Variants in SPTAN1 observed in about 807,000 individuals in gnomAD.
SPTAN1 encodes the protein spectrin alpha, non-erythrocytic 1, also known as spectrin alpha chain, non-erythrocytic 1.
A neutral mutation model predicts 331.3 loss-of-function variants in SPTAN1; 61 were observed. That is an observed-to-expected ratio of 0.18 (90% confidence interval 0.15 to 0.23). The LOEUF (loss-of-function observed/expected upper bound fraction) is 0.23, where lower values mean the gene tolerates loss of function less well. Among genes scored for constraint, SPTAN1 ranks in the 10% least tolerant of loss-of-function variants. SPTAN1 has a pLI of 1.00. For synonymous variants in SPTAN1, 1,153 were observed against 1,173.9 expected (o/e 0.98, Z 0.36); for missense variants, 2,043 against 3,147.9 (o/e 0.65, Z 8.40).
intron 1 of SPTAN1, among the ~76,000 whole-genome samples, chr9:128,564,035 G>C (rs1849717200): frequency 1.3e-5 from 2 of 152,036 alleles, no homozygotes; most frequent in South Asian, 4.1e-4. Flanking sequence ...CACTTTGGAA[G>C]ACCGGAGGTG....
At chr9:128,590,756 C>T (rs12339787) in intron 21 of SPTAN1, among the ~76,000 whole-genome samples, 110,418 of 151,748 alleles carry the variant, frequency 0.73, 43,828 homozygotes, top group Non-Finnish European at 0.9. Flanking sequence ...GAGGCTGAGG[C>T]AGGGGAATCA....
In SPTAN1 at chr9:128,578,001, A is replaced by G. The variant is rs1193828384; in HGVS notation, c.1086-109A>G. 4 of 1,280,012 alleles carry G rather than the reference A, an allele frequency of 3.1e-6. No homozygotes were observed. In the East Asian group the frequency reaches 9.3e-5, roughly 30 times the overall value. 79.3% of individuals were successfully genotyped at this position (1,280,012 alleles called of 1,614,324 possible). A position where few individuals can be genotyped will look rare whatever the true frequency, so the allele number is the denominator to read the frequency against. On this transcript the variant is annotated intron_variant, in intron 8 of 56. Coordinates refer to ENST00000372739, the MANE Select transcript of SPTAN1 (RefSeq NM_001130438.3). Reference sequence around the variant, plus strand: ...TTCATATTTCCCAGAATTAGAATTTATATAGTTTGTTAGACATTTGAGAAC... The same window carrying G: ...TTCATATTTCCCAGAATTAGAATTTGTATAGTTTGTTAGACATTTGAGAAC...
intron 21 of SPTAN1, among the ~76,000 whole-genome samples, chr9:128,590,229 T>G (rs1035144869): frequency 2.6e-5 from 4 of 152,242 alleles, no homozygotes; most frequent in African/African-American, 9.6e-5. Context: ...GAGTCTAATT[T>G]AAACCTAAAC....
intron 1 of SPTAN1, among the ~76,000 whole-genome samples, chr9:128,559,327 G>A (rs541580366): frequency 7.3e-4 from 111 of 152,292 alleles, no homozygotes; most frequent in Admixed American, 9.8e-4. Context: ...AGCAAGCTGG[G>A]CCCAAGCAGG....
chr9:128,566,662 C>G, intron 1 of SPTAN1, 76 bp from the exon 2 acceptor site: 2 of 1,597,698 alleles, frequency 1.3e-6, no homozygotes, highest in Non-Finnish European at 1.7e-6. Flanking sequence ...TTATTTCTTT[C>G]CTTCAGAGAG....
At position 128,588,309 on chromosome 9, in the gene SPTAN1, G is replaced by GGTT. The variant is rs1225242257; in HGVS notation, c.2872-500_2872-499insGTT. Among the ~76,000 whole-genome samples, 5 of 27,156 alleles carry GGTT rather than the reference G, an allele frequency of 1.8e-4. No individual in the cohort carries two copies. The South Asian group carries it at 6.3e-3, about 34-fold the overall frequency. 17.8% of individuals were successfully genotyped at this position (27,156 alleles called of 152,430 possible). ...TGTGCCCGGCCCTACTTTAAAATGAGATTTTTTTTTTTTTTTTTTGAGATG... is the reference window on the plus strand; with the variant it reads ...TGTGCCCGGCCCTACTTTAAAATGAGGTTATTTTTTTTTTTTTTTTTTGAGATG... On this transcript the variant is annotated intron_variant, in intron 20 of 56. Transcript: ENST00000372739.
intron 52 of SPTAN1, chr9:128,631,820 A>G (rs1859784795): frequency 2.6e-6 from 1 of 384,356 alleles, no homozygotes. Flanking sequence ...TCCATCTCAA[A>G]AAAATTTATA....
At chr9:128,590,442 G>C (rs1430026687) in intron 21 of SPTAN1, among the ~76,000 whole-genome samples, 1 of 151,210 alleles carries the variant, frequency 6.6e-6, no homozygotes, top group Admixed American at 6.6e-5. Context: ...GGTGGCTCAC[G>C]CCTGTAGTCC....
In SPTAN1 at chr9:128,625,078, A is replaced by G. The variant is rs1589383325; in HGVS notation, c.5993-25A>G. ...ATCCATCTCCACTGAGGAGGGCAGT[A>G]TATTTTCCACACTTCGTTTTCTAGG... On this transcript the variant is annotated intron_variant, in intron 46 of 56. Coordinates refer to ENST00000372739, the MANE Select transcript of SPTAN1 (RefSeq NM_001130438.3). This position sits in a 1 kb window ranked among gnomAD's most constrained non-coding sequence, Gnocchi z 4.1. 2.5e-6 allele frequency: 4 copies of G among 1,611,058 alleles called. No homozygotes were observed. In the South Asian group the frequency reaches 3.3e-5, roughly 13 times the overall value.
intron 40 of SPTAN1, 28 bp downstream of exon 40, chr9:128,613,513 G>A (rs781600183): frequency 5.7e-6 from 9 of 1,569,682 alleles, no homozygotes; most frequent in East Asian, 2.2e-5. Context: ...GGCCAGGCCC[G>A]AGTGCCTGGG....
rs754888795 is a variant in SPTAN1, at chr9:128,566,937, T to G, written c.197T>G (p.Ile66Ser). 6.2e-7 allele frequency: 1 copy of G among 1,614,190 alleles called. No individual in the cohort carries two copies. Among genetic ancestry groups the G allele is most frequent in the South Asian group, 1.1e-5 (1 of 91,088 alleles). Residue 66 changes from isoleucine (I) to serine (S), a missense_variant, in exon 2 of 57, where the codon ATT (isoleucine) becomes AGT (serine). By Grantham distance (142) the Ile-to-Ser change is moderately radical (BLOSUM62 -2). Transcript: ENST00000372739. Reference protein sequence around the residue: ...LEKWIQEKLQIASDENYKDPT... With the variant: ...LEKWIQEKLQSASDENYKDPT... Reference sequence around the variant, plus strand: ...AAATGGATACAGGAAAAACTTCAGATTGCATCTGATGAGAATTATAAAGAC... The same window carrying G: ...AAATGGATACAGGAAAAACTTCAGAGTGCATCTGATGAGAATTATAAAGAC...
chr9:128,628,501 C>A, intron 51 of SPTAN1: 1 of 304,346 alleles, frequency 3.3e-6, no homozygotes, highest in Non-Finnish European at 6.5e-6. Flanking sequence ...AAAATGCACC[C>A]GTTATGTGAT....
In SPTAN1 at chr9:128,608,931, T is replaced by C; in HGVS notation, c.4549T>C (p.Tyr1517His). The stretch of plus-strand genomic sequence containing the variant: ...CGACCAGCTCATCGCTGCCGGCCAT[T>C]ATGCCAAGGGAGACATTTCTAGCCG... ...FADQLIAAGH[Y>H]AKGDISSRRN... Residue 1517 changes from tyrosine (Y) to histidine (H), a missense_variant, in exon 35 of 57, where the codon TAT becomes CAT. By Grantham distance (83) the Tyr-to-His change is moderately conservative (BLOSUM62 2). This residue lies in a region of SPTAN1 where 40 missense variants were observed against 32.6 expected (regional missense o/e 1.23). Transcript: ENST00000372739. 1 of 1,614,232 alleles carries C rather than the reference T, an allele frequency of 6.2e-7. No homozygotes were observed.
chr9:128,633,653 T>A lies in SPTAN1; in HGVS notation c.*319T>A. The A allele has an allele frequency of 2.8e-6, 4 of 1,418,486 alleles. No individual in the cohort carries two copies. In the East Asian group the frequency reaches 6.9e-5, roughly 24 times the overall value. The allele number at this position is 1,418,486 out of a possible 1,614,324, so 87.9% of individuals were successfully genotyped here. A position where few individuals can be genotyped will look rare whatever the true frequency, so the allele number is the denominator to read the frequency against. On this transcript the variant is annotated 3_prime_UTR_variant, in exon 57 of 57. Transcript: ENST00000372739. Reference sequence around the variant, plus strand: ...ATGTAAAAGACAAATAAATGATGACTTCCCCCAAAGCTTTGCTTTTCTTCA... The same window carrying A: ...ATGTAAAAGACAAATAAATGATGACATCCCCCAAAGCTTTGCTTTTCTTCA...
chr9:128,621,598 A>C (rs935170172), intron 45 of SPTAN1: 8 of 378,412 alleles, frequency 2.1e-5, no homozygotes, highest in Non-Finnish European at 4.1e-5. Flanking sequence ...TTACCCATAA[A>C]GCCCCACCCT....
At chr9:128,590,297 G>T (rs772874810) in intron 21 of SPTAN1, among the ~76,000 whole-genome samples, 2 of 152,196 alleles carry the variant, frequency 1.3e-5, no homozygotes, top group Non-Finnish European at 2.9e-5. Flanking sequence ...AGAACTTTCT[G>T]TGATGGTGGA....
At position 128,626,338 on chromosome 9, in the gene SPTAN1, G is replaced by A. The variant is rs370824213; in HGVS notation, c.6280-53G>A. On this transcript the variant is annotated intron_variant, in intron 48 of 56. Coordinates refer to ENST00000372739, the MANE Select transcript of SPTAN1 (RefSeq NM_001130438.3). ...CCCCGCACCCCACCTCCTGCACTGCGTCGGCACGTCCAGCCCTGGCGACTC... is the reference window on the plus strand; with the variant it reads ...CCCCGCACCCCACCTCCTGCACTGCATCGGCACGTCCAGCCCTGGCGACTC... The A allele has an allele frequency of 3.5e-5, 56 of 1,605,092 alleles. No homozygotes were observed. In the East Asian group the frequency reaches 8.7e-4, roughly 25 times the overall value.
Position 128,591,464 on chromosome 9 carries a change from C to CT in SPTAN1, c.3007-7dup. ...AAGGAATTTACTTTCAGTTCTCCCT[C>CT]TTTTTTCCTTAGGATTGGTGGAAAG... is the stretch of plus-strand genomic sequence containing the variant. On this transcript the variant is annotated splice_polypyrimidine_tract_variant and intron_variant, in intron 21 of 56. Coordinates refer to ENST00000372739, the MANE Select transcript of SPTAN1 (RefSeq NM_001130438.3). 6.2e-7 allele frequency: 1 copy of CT among 1,614,078 alleles called. No individual in the cohort carries two copies. The highest frequency in any genetic ancestry group is 8.5e-7 in the Non-Finnish European group (1 of 1,179,996).
chr9:128,616,088 A>G (rs1360990803), intron 41 of SPTAN1, among the ~76,000 whole-genome samples: 1 of 152,106 alleles, frequency 6.6e-6, no homozygotes, highest in East Asian at 1.9e-4. Flanking sequence ...TTCCCGTGAA[A>G]GTTAGTGAGT....
Sources: gnomAD v4.1 joint callset for allele counts (sites outside exome capture counted in the v4.1 genomes callset) on GRCh38, gnomAD v4.1.1 for gene constraint, gnomAD v4.1.1 regional missense constraint, Gnocchi (gnomAD v3.1) non-coding constraint, MANE v1.5 for transcripts, NCBI Gene and HGNC (gene_info 2026-07-23, HGNC 2026-07-21) for gene names.